THADA: variants seen among roughly 807,000 people sequenced by gnomAD.
THADA encodes THADA armadillo repeat containing.
THADA carries 213 observed loss-of-function variants against 219.8 expected under a neutral mutation model. The observed-to-expected ratio is 0.97, with a 90% CI of 0.87 to 1.09. The LOEUF is 1.09. Among genes scored for constraint, THADA ranks in the 50% least tolerant of loss-of-function variants. THADA has a pLI of 0.00. For missense variants in THADA, 2,956 were observed against 2,311.3 expected (o/e 1.28, Z -5.72); for synonymous variants, 1,018 against 828.9 (o/e 1.23, Z -3.92).
chr2:43,234,466 C>A (rs1278308039), intron 36 of THADA, among the ~76,000 whole-genome samples: 1 of 152,144 alleles, frequency 6.6e-6, no homozygotes, highest in Non-Finnish European at 1.5e-5. Context: ...CAGATTTAAA[C>A]CAGGAAACAG....
intron 36 of THADA, among the ~76,000 whole-genome samples, chr2:43,240,812 A>G (rs1334180314): frequency 1.3e-5 from 2 of 152,228 alleles, no homozygotes; most frequent in Admixed American, 6.5e-5. Context: ...TTTGTGGTTA[A>G]CAGTCTCTGT....
At chr2:43,399,869 G>C (rs917688277) in intron 28 of THADA, among the ~76,000 whole-genome samples, 5 of 149,214 alleles carry the variant, frequency 3.4e-5, no homozygotes, top group Non-Finnish European at 7.5e-5. Flanking sequence ...AACTTCATTT[G>C]ACCAAAAAAC....
chr2:43,579,564 C>T (rs1700198278), intron 8 of THADA, among the ~76,000 whole-genome samples: 1 of 152,174 alleles, frequency 6.6e-6, no homozygotes. Flanking sequence ...AAAACTGTGA[C>T]TTTGATTGGG....
intron 21 of THADA, 44 bp from the exon 22 acceptor site, chr2:43,528,032 T>C (rs765952009): frequency 1.6e-5 from 23 of 1,442,700 alleles, no homozygotes; most frequent in African/African-American, 2.8e-5. Context: ...TATGTTTACA[T>C]TCGCAAGTGT....
At chr2:43,559,632 T>C (rs1697819054) in intron 16 of THADA, among the ~76,000 whole-genome samples, 1 of 152,262 alleles carries the variant, frequency 6.6e-6, no homozygotes, top group South Asian at 2.1e-4. Context: ...CCACACAATG[T>C]GTTCACTTCC....
intron 29 of THADA, among the ~76,000 whole-genome samples, chr2:43,372,414 A>C (rs1670910821): frequency 6.6e-6 from 1 of 152,188 alleles, no homozygotes; most frequent in African/African-American, 2.4e-5. Context: ...CAAAACCCTA[A>C]AATAGTGAAA....
intron 31 of THADA, among the ~76,000 whole-genome samples, chr2:43,297,514 C>T (rs1345985688): frequency 1.7e-5 from 2 of 118,356 alleles, no homozygotes; most frequent in South Asian, 5.6e-4. Flanking sequence ...GTCAGCCCCC[C>T]CGCCCGGCCA....
At chr2:43,516,864 G>A (rs1691791625) in intron 22 of THADA, among the ~76,000 whole-genome samples, 1 of 152,098 alleles carries the variant, frequency 6.6e-6, no homozygotes, top group Admixed American at 6.6e-5. Flanking sequence ...TTTGCACTAT[G>A]CTATGTCCTA....
intron 20 of THADA, among the ~76,000 whole-genome samples, chr2:43,543,653 T>G (rs1009918391): frequency 1.3e-5 from 2 of 152,232 alleles, no homozygotes; most frequent in Non-Finnish European, 2.9e-5. Context: ...TCATGTGTTT[T>G]CTGGCTGCAT....
chr2:43,590,734 T>C, intron 4 of THADA, 90 bp downstream of exon 4: 1 of 1,393,368 alleles, frequency 7.2e-7, no homozygotes, highest in Non-Finnish European at 9.9e-7. Flanking sequence ...CTGTATCAGT[T>C]CAGTTTTATC....
intron 36 of THADA, among the ~76,000 whole-genome samples, chr2:43,245,173 T>TTC (rs1669014560): frequency 2.9e-5 from 2 of 68,126 alleles, no homozygotes; most frequent in African/African-American, 2.5e-4. Context: ...TTTCTTCTTC[T>TTC]TTTTTTTTTT....
chr2:43,487,764 T>C (rs903099340), intron 25 of THADA, among the ~76,000 whole-genome samples: 4 of 152,166 alleles, frequency 2.6e-5, no homozygotes, highest in African/African-American at 9.7e-5. Flanking sequence ...AAAGGTGCTA[T>C]CTATGAACCA....
At chr2:43,517,417 T>A (rs1174900652) in intron 22 of THADA, among the ~76,000 whole-genome samples, 1 of 152,122 alleles carries the variant, frequency 6.6e-6, no homozygotes, top group Non-Finnish European at 1.5e-5. Flanking sequence ...TTGTATAACC[T>A]CAACTGAGTA....
intron 29 of THADA, among the ~76,000 whole-genome samples, chr2:43,393,259 A>G (rs1157467071): frequency 6.6e-6 from 1 of 152,234 alleles, no homozygotes; most frequent in African/African-American, 2.4e-5. Flanking sequence ...CCACTGTATC[A>G]TAACATACCC....
chr2:43,498,877 C>G lies in THADA; in HGVS notation c.3700G>C (p.Gly1234Arg), dbSNP rs778200995. 22 of 1,612,018 alleles carry G rather than the reference C, an allele frequency of 1.4e-5. No individual in the cohort carries two copies. Among genetic ancestry groups the G allele is most frequent in the Non-Finnish European group, 1.8e-5 (21 of 1,179,122 alleles). ...GENIIPYVAD[G>R]AKAAILGFTS... ...AAACCCAGAATTGCAGCCTTAGCTC[C>G]ATCAGCAACATAAGGAATAATATTT... Residue 1234 changes from glycine (G) to arginine (R), a missense_variant, in exon 25 of 38, where the codon GGA (glycine) becomes CGA (arginine). Gly to Arg is a moderately radical substitution (Grantham distance 125). Transcript: ENST00000405975.
chr2:43,586,849 C>G lies in THADA; in HGVS notation c.451+5G>C. 6.2e-7 allele frequency: 1 copy of G among 1,613,632 alleles called. No homozygotes were observed. Among genetic ancestry groups the G allele is most frequent in the Non-Finnish European group, 8.5e-7 (1 of 1,179,748 alleles). ...AGAAAAAGGACTAGAAAAGTGCAGC[C>G]TTACCCAAGTTAAAGTTCTCCATAC... On this transcript the variant is annotated splice_donor_5th_base_variant and intron_variant, in intron 5 of 37. Transcript: ENST00000405975.
intron 31 of THADA, among the ~76,000 whole-genome samples, chr2:43,302,373 C>T (rs1676364385): frequency 6.6e-6 from 1 of 152,194 alleles, no homozygotes. Context: ...TTTGTACTTT[C>T]CCACCAGTGC....
intron 9 of THADA, 102 bp downstream of exon 9, chr2:43,578,411 T>G: frequency 2.6e-6 from 2 of 759,832 alleles, no homozygotes; most frequent in Non-Finnish European, 4.2e-6. Context: ...CCTCCCAAAG[T>G]GTTGGGATTA....
intron 28 of THADA, chr2:43,408,249 A>G (rs1359327376): frequency 6.6e-6 from 1 of 152,196 alleles, no homozygotes; most frequent in East Asian, 1.9e-4. Flanking sequence ...ATCCTCTCTC[A>G]GTACTGATCA....
Sources: gnomAD v4.1 joint callset for allele counts (sites outside exome capture counted in the v4.1 genomes callset) on GRCh38, gnomAD v4.1.1 for gene constraint, MANE v1.5 for transcripts, NCBI Gene and HGNC (gene_info 2026-07-23, HGNC 2026-07-21) for gene names.